NEGR1: variants seen among roughly 807,000 people sequenced by gnomAD.
The protein encoded by NEGR1 is neuronal growth regulator 1, also known as IgLON family member 4.
In NEGR1, 10 loss-of-function variants were observed where a neutral mutation model predicts 40.9. That is an observed-to-expected ratio of 0.24 (90% CI 0.15 to 0.42). The LOEUF (loss-of-function observed/expected upper bound fraction) is 0.42. Among genes scored for constraint, NEGR1 ranks in the 10% least tolerant of loss-of-function variants. NEGR1 has a pLI of 1.00. For missense variants in NEGR1, 352 were observed against 438.9 expected, an observed-to-expected ratio of 0.80 and a Z score of 1.77; for synonymous variants, 185 against 166.8, an observed-to-expected ratio of 1.11 and a Z score of -0.84.
intron 1 of NEGR1, among the ~76,000 whole-genome samples, chr1:72,027,346 A>G (rs149082913): frequency 1.2e-3 from 176 of 152,248 alleles, no homozygotes; most frequent in African/African-American, 4.0e-3. Flanking sequence ...GAAAGGTTTC[A>G]TCTAATTGGT....
intron 2 of NEGR1, among the ~76,000 whole-genome samples, chr1:71,803,248 T>G (rs556821582): frequency 6.6e-6 from 1 of 152,178 alleles, no homozygotes; most frequent in African/African-American, 2.4e-5. Flanking sequence ...CACCAAAAAA[T>G]GGCCATGTGA....
At chr1:72,157,976 T>C (rs1651422038) in intron 1 of NEGR1, among the ~76,000 whole-genome samples, 1 of 152,152 alleles carries the variant, frequency 6.6e-6, no homozygotes, top group South Asian at 2.1e-4. Flanking sequence ...AGCAAATCTC[T>C]CCCATTTTCA....
At chr1:72,034,230 G>A (rs1646883489) in intron 1 of NEGR1, among the ~76,000 whole-genome samples, 1 of 152,088 alleles carries the variant, frequency 6.6e-6, no homozygotes. Flanking sequence ...AGTGGTCCTC[G>A]CCAAAACCAC....
intron 6 of NEGR1, among the ~76,000 whole-genome samples, chr1:71,434,651 C>T (rs186858285): frequency 2.7e-4 from 41 of 152,198 alleles, no homozygotes; most frequent in Middle Eastern, 3.4e-3. Flanking sequence ...GCTGGAAGTG[C>T]GTCCAAGAAG....
At chr1:71,852,555 G>A (rs777553559) in intron 2 of NEGR1, among the ~76,000 whole-genome samples, 2 of 151,884 alleles carry the variant, frequency 1.3e-5, no homozygotes, top group Non-Finnish European at 2.9e-5. Context: ...TTTTATTACC[G>A]ACCTGGCCTT....
At chr1:71,541,227 G>T (rs1367280072) in intron 6 of NEGR1, among the ~76,000 whole-genome samples, 1 of 151,490 alleles carries the variant, frequency 6.6e-6, no homozygotes, top group East Asian at 2.0e-4. Flanking sequence ...TTTAAAAAAA[G>T]AATATCCAAG....
At chr1:72,159,546 A>G (rs1445000260) in intron 1 of NEGR1, among the ~76,000 whole-genome samples, 1 of 152,168 alleles carries the variant, frequency 6.6e-6, no homozygotes, top group Non-Finnish European at 1.5e-5. Flanking sequence ...TTTAAATATT[A>G]CATATAGCAA....
intron 6 of NEGR1, among the ~76,000 whole-genome samples, chr1:71,470,944 A>G (rs2101356328): frequency 6.6e-6 from 1 of 152,200 alleles, no homozygotes; most frequent in Non-Finnish European, 1.5e-5. Context: ...TTTGTTTAAC[A>G]TATTCAGGCA....
intron 2 of NEGR1, among the ~76,000 whole-genome samples, chr1:71,825,387 T>A (rs1334521749): frequency 1.3e-5 from 2 of 151,922 alleles, no homozygotes; most frequent in Non-Finnish European, 2.9e-5. Flanking sequence ...CTCTGCATGC[T>A]TTGGTCCCAC....
intron 1 of NEGR1, among the ~76,000 whole-genome samples, chr1:72,134,714 A>G (rs1650386401): frequency 2.0e-5 from 3 of 150,834 alleles, no homozygotes; most frequent in Admixed American, 2.0e-4. Context: ...GAAGTAAAAG[A>G]TATTTAATTT....
chr1:71,941,009 C>G (rs1645954141), intron 1 of NEGR1, among the ~76,000 whole-genome samples: 1 of 152,024 alleles, frequency 6.6e-6, no homozygotes, highest in Non-Finnish European at 1.5e-5. Context: ...AATGAAAGCT[C>G]CTATTAAAGG....
intron 1 of NEGR1, among the ~76,000 whole-genome samples, chr1:72,151,177 TC>T (rs1390695394): frequency 2.0e-5 from 3 of 151,838 alleles, no homozygotes; most frequent in Admixed American, 1.3e-4. Flanking sequence ...AATGGTTTTC[TC>T]CTTATTTATT....
At chr1:71,609,493 C>T (rs12744654) in intron 5 of NEGR1, among the ~76,000 whole-genome samples, 1,185 of 89,188 alleles carry the variant, frequency 0.013, 30 homozygotes, top group African/African-American at 0.044. Context: ...CCAGCCTGGG[C>T]GACAAACCAA....
At chr1:71,799,762 G>A (rs1276799336) in intron 2 of NEGR1, among the ~76,000 whole-genome samples, 2 of 151,938 alleles carry the variant, frequency 1.3e-5, no homozygotes, top group Non-Finnish European at 2.9e-5. Context: ...ACCCAGGCTG[G>A]AGTGCAGAGG....
intron 1 of NEGR1, among the ~76,000 whole-genome samples, chr1:72,132,621 G>A (rs1650300854): frequency 6.6e-6 from 1 of 151,836 alleles, no homozygotes; most frequent in South Asian, 2.1e-4. Context: ...ATTACCGTAG[G>A]GTGACTTGTA....
intron 1 of NEGR1, among the ~76,000 whole-genome samples, chr1:71,964,832 A>G (rs1646197391): frequency 6.6e-6 from 1 of 152,158 alleles, no homozygotes; most frequent in Non-Finnish European, 1.5e-5. Context: ...ATTAAAAAAA[A>G]AAATCACTCC....
chr1:71,797,995 C>T (rs1014468203), intron 2 of NEGR1: 4 of 151,890 alleles, frequency 2.6e-5, no homozygotes, highest in African/African-American at 9.7e-5. Context: ...CATTCCTTGC[C>T]ATTGAAAACA....
chr1:72,033,824 A>G (rs1646879550), intron 1 of NEGR1, among the ~76,000 whole-genome samples: 1 of 152,038 alleles, frequency 6.6e-6, no homozygotes, highest in African/African-American at 2.4e-5. Context: ...TTAATACAAC[A>G]CTCCAGGCAA....
intron 1 of NEGR1, among the ~76,000 whole-genome samples, chr1:72,160,678 C>A (rs182678685): frequency 5.3e-5 from 8 of 152,134 alleles, no homozygotes; most frequent in Non-Finnish European, 8.8e-5. Flanking sequence ...ATATTTGCAT[C>A]GTTTTTCTGG....
Sources: allele counts gnomAD v4.1 joint callset (sites outside exome capture counted in the v4.1 genomes callset), GRCh38; gene constraint gnomAD v4.1.1; transcripts MANE v1.5; gene names NCBI Gene and HGNC (gene_info 2026-07-23, HGNC 2026-07-21).